Variants in GPR179 observed in about 807,000 individuals in gnomAD.
GPR179 encodes the protein G protein-coupled receptor 179, also known as probable G protein-coupled receptor 179.
In GPR179, 52 loss-of-function variants were observed where a neutral mutation model predicts 70.8. The ratio of observed to expected loss-of-function variants is 0.73; its 90% CI spans 0.59 to 0.93. The LOEUF is 0.93. Among genes scored for constraint, GPR179 ranks in the 40% least tolerant of loss-of-function variants. The pLI is 0.00. For missense variants in GPR179, 2,734 were observed against 2,966.8 expected, an observed-to-expected ratio of 0.92 and a Z score of 1.82; for synonymous variants, 1,123 against 1,169.0, an observed-to-expected ratio of 0.96 and a Z score of 0.80.
intron 5 of GPR179, 96 bp from the exon 6 acceptor site, chr17:38,335,796 C>A: frequency 1.3e-6 from 1 of 787,002 alleles, no homozygotes. Flanking sequence ...AACAGCCCTG[C>A]AATAGAGCCA....
chr17:38,340,684 G>A (rs1213772721), intron 1 of GPR179, among the ~76,000 whole-genome samples: 1 of 152,186 alleles, frequency 6.6e-6, no homozygotes, highest in Non-Finnish European at 1.5e-5. Flanking sequence ...TTGGGAGGCC[G>A]AGGCAGGTGC....
chr17:38,335,403 G>A (rs979631936), intron 6 of GPR179, 132 bp from the exon 7 acceptor site: 10 of 829,426 alleles, frequency 1.2e-5, no homozygotes, highest in Admixed American at 2.5e-5. Context: ...TCCTTTTTGT[G>A]ATTTGCTGCC....
rs767717060 is a variant in GPR179, at chr17:38,330,382, C to T, written c.3187G>A (p.Glu1063Lys). The T allele has an allele frequency of 1.2e-5, 20 of 1,612,930 alleles. No homozygotes were observed. The highest frequency in any genetic ancestry group is 1.7e-5 in the Non-Finnish European group (20 of 1,179,468). ...TTAGGGAAGATCTTGGGCCTGTCTT[C>T]GTCCACATCATTAGCTTCCCTCTGG... Reference protein sequence around the residue: ...HHQREANDVDEDRPKIFPKSH... With the variant: ...HHQREANDVDKDRPKIFPKSH... The change falls in exon 11 of 11, where the codon GAA (glutamate) becomes AAA (lysine). Residue 1063 changes from glutamate to lysine, a missense_variant. Transcript: ENST00000616987.
Position 38,328,209 on chromosome 17 carries a change from C to T in GPR179, c.5360G>A (p.Gly1787Glu), listed in dbSNP as rs1369824562. The change falls in exon 11 of 11, where the codon GGG (glycine) becomes GAG (glutamate). Residue 1787 changes from glycine (G) to glutamate (E), a missense_variant. Transcript: ENST00000616987. ...GCCCATATGATCCAGTTCCTGGAACCCAGCTTTTGGTCCATCAGCATCTAG... is the reference window on the plus strand; with the variant it reads ...GCCCATATGATCCAGTTCCTGGAACTCAGCTTTTGGTCCATCAGCATCTAG... The part of the protein sequence containing the change: ...GTLDADGPKA[G>E]FQELDHMGCR... The T allele has an allele frequency of 6.2e-7, 1 of 1,613,392 alleles. No homozygotes were observed. Among genetic ancestry groups the T allele is most frequent in the East Asian group, 2.2e-5 (1 of 44,846 alleles).
chr17:38,329,292 G>C lies in GPR179; in HGVS notation c.4277C>G (p.Ser1426Cys), dbSNP rs763035455. Residue 1426 changes from serine to cysteine, a missense_variant, in exon 11 of 11, where the codon TCT (serine) becomes TGT (cysteine). Physicochemically the swap from Ser to Cys is moderately radical, Grantham distance 112 (BLOSUM62 -1). Transcript: ENST00000616987. ...ATCTGTACTCTCCCATGGACAAAGA[G>C]ACTCCAAGTCTCCTCCCGGTTTCTG... is the stretch of plus-strand genomic sequence containing the variant. ...KEQKPGGDLE[S>C]LCPWESTDFR... is the part of the protein sequence containing the mutation. 21 of 1,612,872 alleles carry C rather than the reference G, an allele frequency of 1.3e-5. No homozygotes were observed. In the African/African-American group the frequency reaches 2.4e-4, roughly 18 times the overall value.
chr17:38,330,630 G>A lies in GPR179; in HGVS notation c.2939C>T (p.Pro980Leu). ...PTPAPALAPVPVSPQSPNLLT... is the reference protein window; with the variant it reads ...PTPAPALAPVLVSPQSPNLLT... ...TAAGTTGGGGCTTTGTGGGGATACT[G>A]GGACTGGTGCCAGGGCAGGGGCTGG... Residue 980 changes from proline (P) to leucine (L), a missense_variant, in exon 11 of 11, where the codon CCA becomes CTA. Coordinates refer to ENST00000616987, the MANE Select transcript of GPR179 (RefSeq NM_001004334.4). 1 of 1,586,606 alleles carries A rather than the reference G, an allele frequency of 6.3e-7. No homozygotes were observed. Among genetic ancestry groups the A allele is most frequent in the Non-Finnish European group, 8.6e-7 (1 of 1,165,832 alleles).
In GPR179 at chr17:38,330,596, G is replaced by T. The variant is rs1374914348; in HGVS notation, c.2973C>A (p.Tyr991Ter). The T allele has an allele frequency of 5.7e-6, 9 of 1,580,750 alleles. No individual in the cohort carries two copies. The highest frequency in any genetic ancestry group is 6.9e-6 in the Non-Finnish European group (8 of 1,164,856). The change falls in exon 11 of 11, where the codon TAC (tyrosine) becomes TAA (stop). Residue 991 changes from tyrosine to a stop codon, truncating the protein, a stop_gained. Coordinates refer to ENST00000616987, the MANE Select transcript of GPR179 (RefSeq NM_001004334.4). LOFTEE classifies it low-confidence loss of function (END_TRUNC). ...GTTCTGCGTTCTCCCAGGGGCAGAT[G>T]TAGGTGAGTAAGTTGGGGCTTTGTG... ...VSPQSPNLLTYICPWENAELP... is the reference protein window; with the variant it reads ...VSPQSPNLLT
intron 10 of GPR179, 99 bp from the exon 11 acceptor site, chr17:38,331,630 G>A: frequency 6.7e-6 from 10 of 1,498,788 alleles, no homozygotes; most frequent in Non-Finnish European, 8.9e-6. Context: ...TTCCCTTAGG[G>A]ATCTCTTTCC....
chr17:38,337,719 C>G lies in GPR179; in HGVS notation c.905G>C (p.Cys302Ser). ...THLCDLNSTQ[C>S]VPLESQGFVL... ...AAAGCCCTGACTCTCCAGGGGGACA[C>G]ACTATGGGGACAACAAACACAGTAT... Residue 302 changes from cysteine to serine, a missense_variant and splice_region_variant, in exon 3 of 11, where the codon TGT becomes TCT. Physicochemically the swap from Cys to Ser is moderately radical, Grantham distance 112 (BLOSUM62 -1). Transcript: ENST00000616987. 1 of 1,612,358 alleles carries G rather than the reference C, an allele frequency of 6.2e-7. No individual in the cohort carries two copies.
rs568265483 is a variant in GPR179 at position 38,325,339 on chromosome 17, A to G, written c.*1126T>C. Among the ~76,000 whole-genome samples the G allele has an allele frequency of 1.5e-3, 222 of 151,706 alleles. No individual in the cohort carries two copies. The highest frequency in any genetic ancestry group is 6.8e-3 in the Middle Eastern group (2 of 294). ...TCAGGCTTCTAACTTGCCCTGTAGCACTCCTCTTTTAGAGGGCAGAAGAAG... is the reference window on the plus strand; with the variant it reads ...TCAGGCTTCTAACTTGCCCTGTAGCGCTCCTCTTTTAGAGGGCAGAAGAAG... On this transcript the variant is annotated 3_prime_UTR_variant, in exon 11 of 11. Transcript: ENST00000616987.
rs757737139 is a variant in GPR179, at chr17:38,343,272, G to T, written c.518C>A (p.Thr173Asn). The T allele has an allele frequency of 6.2e-7, 1 of 1,614,040 alleles. No individual in the cohort carries two copies. The highest frequency in any genetic ancestry group is 1.3e-5 in the African/African-American group (1 of 74,910). ...ALQATRTGEE[T>N]ILQDLSGNWV... ...GTTCCCAGACAAGTCCTGCAGGATGGTTTCCTCCCCAGTCCGGGTGGCCTG... is the reference window on the plus strand; with the variant it reads ...GTTCCCAGACAAGTCCTGCAGGATGTTTTCCTCCCCAGTCCGGGTGGCCTG... Residue 173 changes from threonine to asparagine, a missense_variant, in exon 1 of 11, where the codon ACC (threonine) becomes AAC (asparagine). By Grantham distance (65) the Thr-to-Asn change is moderately conservative. Transcript: ENST00000616987. This position sits in a 1 kb window ranked among gnomAD's most constrained non-coding sequence, Gnocchi z 4.2.
intron 1 of GPR179, among the ~76,000 whole-genome samples, chr17:38,342,770 GGATT>G (rs763648367): frequency 6.6e-6 from 1 of 152,188 alleles, no homozygotes; most frequent in Non-Finnish European, 1.5e-5. Context: ...AGATAAATAT[GGATT>G]GATTTATACA....
rs2037319397 is a variant in GPR179, at chr17:38,328,844, C to T, written c.4725G>A (p.Gln1575=). The change falls in exon 11 of 11, where the codon CAG becomes CAA. Residue 1575 remains glutamine (Q), a synonymous_variant. Coordinates refer to ENST00000616987, the MANE Select transcript of GPR179 (RefSeq NM_001004334.4). ...CCTGTGCCTCCGGCCTGAGATCTTC[C>T]TGTGGACACACCTGCGTTGCTCTGC... is the stretch of plus-strand genomic sequence containing the variant. The part of the protein sequence containing the change: ...GGSRATQVCP[Q]EDLRPEAQEA... 1.2e-6 allele frequency: 2 copies of T among 1,612,848 alleles called. No individual in the cohort carries two copies. Among genetic ancestry groups the T allele is most frequent in the Admixed American group, 1.7e-5 (1 of 59,866 alleles).
Position 38,335,697 on chromosome 17 carries a change from A to T in GPR179, c.1300T>A (p.Phe434Ile). 1.9e-6 allele frequency: 3 copies of T among 1,610,890 alleles called. No homozygotes were observed. The highest frequency in any genetic ancestry group is 2.5e-6 in the Non-Finnish European group (3 of 1,177,082). ...ACACTGGGCTTGAAGTATAGGATGAAGACCTGGTGGGAAGGGGCAAAAATC... is the reference window on the plus strand; with the variant it reads ...ACACTGGGCTTGAAGTATAGGATGATGACCTGGTGGGAAGGGGCAAAAATC... ...FGFLLLYFPVFILYFKPSVFR... is the reference protein window; with the variant it reads ...FGFLLLYFPVIILYFKPSVFR... The change falls in exon 6 of 11, where the codon TTC becomes ATC. Residue 434 changes from phenylalanine (F) to isoleucine (I), a missense_variant. Transcript: ENST00000616987.
chr17:38,332,260 G>A (rs1235756245), intron 10 of GPR179, among the ~76,000 whole-genome samples: 1 of 152,190 alleles, frequency 6.6e-6, no homozygotes, highest in African/African-American at 2.4e-5. Flanking sequence ...CAGGTGTGAA[G>A]ACGGCCCCAG....
Position 38,330,075 on chromosome 17 carries a change from AG to A in GPR179, c.3493del (p.Leu1165SerfsTer19). 1 of 1,613,954 alleles carries A rather than the reference AG, an allele frequency of 6.2e-7. No individual in the cohort carries two copies. The highest frequency in any genetic ancestry group is 8.5e-7 in the Non-Finnish European group (1 of 1,179,948). ...NQQNAHTSRMLQVCQREGSRE... is the reference protein window; with the variant it reads ...NQQNAHTSRMXQVCQREGSRE... ...GCTGCCCTCCCGTTGACAGACTTGG[AG>A]CATCCTGCTGGTGTGAGCGTTCTGT... is the stretch of plus-strand genomic sequence containing the variant. On this transcript the variant is annotated frameshift_variant, in exon 11 of 11. Coordinates refer to ENST00000616987, the MANE Select transcript of GPR179 (RefSeq NM_001004334.4). LOFTEE classifies it low-confidence loss of function (END_TRUNC).
chr17:38,335,465 G>T, intron 6 of GPR179, 126 bp downstream of exon 6: 1 of 791,992 alleles, frequency 1.3e-6, no homozygotes, highest in South Asian at 1.6e-5. Flanking sequence ...TGGTGATGGG[G>T]GTTGGCCTTG....
Position 38,343,166 on chromosome 17 carries a change from G to C in GPR179, c.624C>G (p.Ser208Arg). The part of the protein sequence containing the change: ...KKRVLTNDLG[S>R]LGSPKWPQAD... ...CCTGCGGCCACTTGGGGCTGCCGAGGCTCCCTAGGTCATTGGTCAACACTC... is the reference window on the plus strand; with the variant it reads ...CCTGCGGCCACTTGGGGCTGCCGAGCCTCCCTAGGTCATTGGTCAACACTC... The change falls in exon 1 of 11, where the codon AGC (serine) becomes AGG (arginine). Residue 208 changes from serine to arginine, a missense_variant. Physicochemically the swap from Ser to Arg is moderately radical, Grantham distance 110. Coordinates refer to ENST00000616987, the MANE Select transcript of GPR179 (RefSeq NM_001004334.4). The surrounding 1 kb of genome is among the most constrained non-coding windows in gnomAD (Gnocchi z 4.2). 2 of 1,614,126 alleles carry C rather than the reference G, an allele frequency of 1.2e-6. No homozygotes were observed. The highest frequency in any genetic ancestry group is 1.7e-6 in the Non-Finnish European group (2 of 1,179,996).
intron 1 of GPR179, among the ~76,000 whole-genome samples, chr17:38,342,167 A>C (rs1192585176): frequency 1.3e-5 from 2 of 151,722 alleles, no homozygotes; most frequent in Admixed American, 6.6e-5. Context: ...TACAGCTCTC[A>C]GTTGCTAGAG....
Sources: allele counts gnomAD v4.1 joint callset (sites outside exome capture counted in the v4.1 genomes callset), GRCh38; gene constraint gnomAD v4.1.1; non-coding constraint Gnocchi (gnomAD v3.1); transcripts MANE v1.5; gene names NCBI Gene and HGNC (gene_info 2026-07-23, HGNC 2026-07-21).